Variants in SCUBE3 observed in about 807,000 individuals in gnomAD.
The protein encoded by SCUBE3 is signal peptide, CUB and EGF-like domain-containing protein 3.
In SCUBE3, 33 loss-of-function variants were observed where a neutral mutation model predicts 116.8. The observed-to-expected ratio is 0.28, with a 90% CI of 0.21 to 0.38. The LOEUF is 0.38. SCUBE3 is among the 10% of genes least tolerant of loss of function. The pLI is 1.00. For synonymous variants in SCUBE3, 418 were observed against 496.9 expected (o/e 0.84, Z 2.11); for missense variants, 1,007 against 1,324.8 (o/e 0.76, Z 3.72).
At chr6:35,223,477 C>G (rs1187689972) in intron 1 of SCUBE3, 1 of 152,196 alleles carries the variant, frequency 6.6e-6, no homozygotes, top group Non-Finnish European at 1.5e-5. Context: ...CTCTTCCCAG[C>G]TTGGGCAAAT....
chr6:35,239,370 C>T lies in SCUBE3; in HGVS notation c.830-382C>T, dbSNP rs1783926710. 6.6e-6 allele frequency among the ~76,000 whole-genome samples: 1 copy of T among 151,954 alleles called. No homozygotes were observed. The highest frequency in any genetic ancestry group is 2.1e-4 in the South Asian group (1 of 4,816). On this transcript the variant is annotated intron_variant, in intron 7 of 21. Coordinates refer to ENST00000274938, the MANE Select transcript of SCUBE3 (RefSeq NM_152753.4). The surrounding 1 kb of genome is among the most constrained non-coding windows in gnomAD (Gnocchi z 4.1). The stretch of plus-strand genomic sequence containing the variant: ...ACAGGAAAGAGATAACCCTTACCCA[C>T]CAACCTTTCAGGGAATGGCCATCAG...
chr6:35,216,967 T>C (rs1016473199), intron 1 of SCUBE3, among the ~76,000 whole-genome samples: 3 of 151,776 alleles, frequency 2.0e-5, no homozygotes, highest in Admixed American at 6.6e-5. Context: ...ACAGGCAACA[T>C]AGCTGGATGT....
rs546620649 is a variant in SCUBE3 at position 35,232,501 on chromosome 6, C to T, written c.470-349C>T. The stretch of plus-strand genomic sequence containing the variant: ...AGCTCTTTGAGGGGAGTGATCACAC[C>T]TTGTATTTTTCTAGGACCTTCCTAA... On this transcript the variant is annotated intron_variant, in intron 4 of 21. Transcript: ENST00000274938. This position sits in a 1 kb window ranked among gnomAD's most constrained non-coding sequence, Gnocchi z 4.2. Among the ~76,000 whole-genome samples, 63 of 152,256 alleles carry T rather than the reference C, an allele frequency of 4.1e-4. 1 individual carries two copies. The highest frequency in any genetic ancestry group is 1.5e-3 in the African/African-American group (62 of 41,552).
rs996665863 is a variant in SCUBE3 at position 35,227,177 on chromosome 6, C to T, written c.86-403C>T. Among the ~76,000 whole-genome samples, 73 of 152,196 alleles carry T rather than the reference C, an allele frequency of 4.8e-4. 1 individual carries two copies. The highest frequency in any genetic ancestry group is 1.7e-3 in the African/African-American group (70 of 41,450). On this transcript the variant is annotated intron_variant, in intron 1 of 21. Transcript: ENST00000274938. ...TGATTGCTGGACCCTGCCACCTTCC[C>T]AGAGACCACTGTTCCCATGCCTTTT...
rs1783940657 is a variant in SCUBE3 at position 35,239,585 on chromosome 6, A to T, written c.830-167A>T. On this transcript the variant is annotated intron_variant, in intron 7 of 21. Transcript: ENST00000274938. The surrounding 1 kb of genome is among the most constrained non-coding windows in gnomAD (Gnocchi z 4.1). ...GAAGAAACAGAGACAGGAAAGAGAG[A>T]GAGAGACAGGAAAGAGAAAGAGAAA... 6.6e-6 allele frequency among the ~76,000 whole-genome samples: 1 copy of T among 152,196 alleles called. No homozygotes were observed. Among genetic ancestry groups the T allele is most frequent in the African/African-American group, 2.4e-5 (1 of 41,416 alleles).
rs1782803490 is a variant in SCUBE3, at chr6:35,214,411, CTCCAGCCATG to C, written c.-7_3del. On this transcript the variant is annotated start_lost and 5_prime_UTR_variant, in exon 1 of 22. Transcript: ENST00000274938. This position sits in a 1 kb window ranked among gnomAD's most constrained non-coding sequence, Gnocchi z 6.3. ...GCCCCGGCGGCTGGGCCGCCAGTAGCTCCAGCCATGGGCTCGGGGCGCGTACCCGGGCTCT... is the reference window on the plus strand; with the variant it reads ...GCCCCGGCGGCTGGGCCGCCAGTAGCGGCTCGGGGCGCGTACCCGGGCTCT... The C allele has an allele frequency of 6.9e-7, 1 of 1,443,818 alleles. No homozygotes were observed. The highest frequency in any genetic ancestry group is 9.1e-7 in the Non-Finnish European group (1 of 1,097,130). The allele number at this position is 1,443,818 out of a possible 1,614,324, so 89.4% of individuals were successfully genotyped here.
rs747732981 is a variant in SCUBE3 at position 35,246,232 on chromosome 6, A to G, written c.2779A>G (p.Ile927Val). 6.2e-6 allele frequency: 10 copies of G among 1,614,164 alleles called. No individual in the cohort carries two copies. In the South Asian group the frequency reaches 9.9e-5, roughly 16 times the overall value. The change falls in exon 21 of 22, where the codon ATT (isoleucine) becomes GTT (valine). Residue 927 changes from isoleucine (I) to valine (V), a missense_variant. Ile to Val is a conservative substitution (Grantham distance 29). Transcript: ENST00000274938. ...DEDYEQLVED[I>V]VRDGRLYASE... Reference sequence around the variant, plus strand: ...GGACTATGAGCAGCTGGTAGAAGACATTGTGCGAGATGGCCGGCTCTATGC... The same window carrying G: ...GGACTATGAGCAGCTGGTAGAAGACGTTGTGCGAGATGGCCGGCTCTATGC...
intron 1 of SCUBE3, among the ~76,000 whole-genome samples, chr6:35,215,842 C>G (rs1782866608): frequency 1.3e-5 from 2 of 152,172 alleles, no homozygotes; most frequent in African/African-American, 4.8e-5. Context: ...CCACACCTTC[C>G]AGCCCCACAC....
chr6:35,239,549 C>A lies in SCUBE3; in HGVS notation c.830-203C>A, dbSNP rs761931697. Among the ~76,000 whole-genome samples the A allele has an allele frequency of 3.9e-5, 6 of 152,032 alleles. No individual in the cohort carries two copies. The highest frequency in any genetic ancestry group is 7.4e-5 in the Non-Finnish European group (5 of 68,014). ...AGGGTGTTACTAATGGCCACAGATC[C>A]CCTGAACAGGGAAGAAACAGAGACA... is the stretch of plus-strand genomic sequence containing the variant. On this transcript the variant is annotated intron_variant, in intron 7 of 21. Transcript: ENST00000274938. The surrounding 1 kb of genome is among the most constrained non-coding windows in gnomAD (Gnocchi z 4.1).
intron 1 of SCUBE3, among the ~76,000 whole-genome samples, chr6:35,217,744 C>T (rs981971916): frequency 2.6e-5 from 4 of 152,040 alleles, no homozygotes; most frequent in Admixed American, 6.6e-5. Context: ...CGTGGGCAGC[C>T]GGCTATTGCC....
Position 35,241,158 on chromosome 6 carries a change from A to G in SCUBE3, c.1087A>G (p.Ile363Val). The G allele has an allele frequency of 6.3e-7, 1 of 1,599,820 alleles. No homozygotes were observed. The highest frequency in any genetic ancestry group is 8.6e-7 in the Non-Finnish European group (1 of 1,168,308). The change falls in exon 10 of 22, where the codon ATC (isoleucine) becomes GTC (valine). Residue 363 changes from isoleucine (I) to valine (V), a missense_variant. By Grantham distance (29) the Ile-to-Val change is conservative. Transcript: ENST00000274938. This position sits in a 1 kb window ranked among gnomAD's most constrained non-coding sequence, Gnocchi z 4.1. ...TCCCCCAGATGTGGATGAATGCAGC[A>G]TCAACCGGGGAGGTTGCCGCTTTGG... The part of the protein sequence containing the change: ...THCGDVDECS[I>V]NRGGCRFGCI...
At chr6:35,238,216 G>C (rs1783862049) in intron 7 of SCUBE3, among the ~76,000 whole-genome samples, 198 bp downstream of exon 7, 1 of 152,124 alleles carries the variant, frequency 6.6e-6, no homozygotes, top group African/African-American at 2.4e-5. Flanking sequence ...CAGTTCCTTA[G>C]TGCCCCCTTC....
chr6:35,235,297 G>GACAGGAT lies in SCUBE3; in HGVS notation c.712+1997_712+1998insCAGGATA. The GACAGGAT allele has an allele frequency of 5.1e-6, 2 of 388,730 alleles. No homozygotes were observed. The highest frequency in any genetic ancestry group is 1.0e-5 in the Non-Finnish European group (2 of 193,966). The allele number at this position is 388,730 out of a possible 1,614,324, so 24.1% of individuals were successfully genotyped here. A position where few individuals can be genotyped will look rare whatever the true frequency, so the allele number is the denominator to read the frequency against. On this transcript the variant is annotated intron_variant, in intron 6 of 21. Transcript: ENST00000274938. This position sits in a 1 kb window ranked among gnomAD's most constrained non-coding sequence, Gnocchi z 4.5. ...ACCAGACAGGATAAGGATGAGGAGT[G>GACAGGAT]AAGCTGTCATAAGGGTCCCAGGGCT...
At position 35,250,712 on chromosome 6, in the gene SCUBE3, C is replaced by CT. The variant is rs10530852; in HGVS notation, c.*2023dup. 3.4e-4 allele frequency: 48 copies of CT among 140,390 alleles called. No homozygotes were observed. The highest frequency in any genetic ancestry group is 6.4e-4 in the African/African-American group (24 of 37,480). 8.7% of individuals were successfully genotyped at this position (140,390 alleles called of 1,614,324 possible). ...ACCAACTGAGTCCTCAGGTTCATTT[C>CT]TTTTTTTTTTTTTTTTCTTTTTAAC... On this transcript the variant is annotated 3_prime_UTR_variant, in exon 22 of 22. Coordinates refer to ENST00000274938, the MANE Select transcript of SCUBE3 (RefSeq NM_152753.4).
chr6:35,225,762 A>G (rs766585950), intron 1 of SCUBE3, among the ~76,000 whole-genome samples: 5 of 152,208 alleles, frequency 3.3e-5, no homozygotes, highest in Non-Finnish European at 7.3e-5. Flanking sequence ...CTGGGTATCT[A>G]TAAATTGGAG....
At chr6:35,237,139 C>T (rs1260221220) in intron 6 of SCUBE3, among the ~76,000 whole-genome samples, 1 of 152,114 alleles carries the variant, frequency 6.6e-6, no homozygotes, top group African/African-American at 2.4e-5. Context: ...CTTTTTACAC[C>T]CTTCCTTCTC....
chr6:35,233,827 CT>C lies in SCUBE3; in HGVS notation c.712+529del, dbSNP rs1783648222. 6.6e-6 allele frequency among the ~76,000 whole-genome samples: 1 copy of C among 152,094 alleles called. No homozygotes were observed. The highest frequency in any genetic ancestry group is 2.1e-4 in the South Asian group (1 of 4,816). ...TCCTGGCTCCAGGTATCTTTTTCCT[CT>C]TTATTCCTTCTCTCCTCACTCTCCT... On this transcript the variant is annotated intron_variant, in intron 6 of 21. Transcript: ENST00000274938. The surrounding 1 kb of genome is among the most constrained non-coding windows in gnomAD (Gnocchi z 5.7).
At chr6:35,216,004 G>A (rs965922488) in intron 1 of SCUBE3, among the ~76,000 whole-genome samples, 3 of 152,226 alleles carry the variant, frequency 2.0e-5, no homozygotes, top group African/African-American at 7.2e-5. Context: ...GGAATTAGGT[G>A]GGGAGTTTAG....
intron 1 of SCUBE3, among the ~76,000 whole-genome samples, chr6:35,215,744 C>T (rs1437572817): frequency 6.6e-6 from 1 of 152,222 alleles, no homozygotes. Context: ...AACACTGCCT[C>T]TTCAGCTAAC....
Sources: allele counts gnomAD v4.1 joint callset (sites outside exome capture counted in the v4.1 genomes callset), GRCh38; gene constraint gnomAD v4.1.1; non-coding constraint Gnocchi (gnomAD v3.1); transcripts MANE v1.5; gene names NCBI Gene and HGNC (gene_info 2026-07-23, HGNC 2026-07-21).